The following SLC2A5 variants were observed in gnomAD, a reference collection of about 807,000 sequenced individuals.
The protein encoded by SLC2A5 is solute carrier family 2 member 5, also known as solute carrier family 2, facilitated glucose transporter member 5.
In SLC2A5, 56 loss-of-function variants were observed where a neutral mutation model predicts 50.3. The ratio of observed to expected loss-of-function variants is 1.11; its 90% confidence interval spans 0.90 to 1.39. The LOEUF is 1.39. Among genes scored for constraint, SLC2A5 ranks in the 40% most tolerant of loss-of-function variants. The probability of loss-of-function intolerance (pLI) is 0.00; values close to 1 mark genes in which losing one functional copy is unlikely to be tolerated. For missense variants in SLC2A5, 566 were observed against 650.1 expected (o/e 0.87, Z 1.41); for synonymous variants, 269 against 281.9 (o/e 0.95, Z 0.46).
At chr1:9,041,171 T>C (rs898106557) in intron 5 of SLC2A5, 1 of 386,976 alleles carries the variant, frequency 2.6e-6, no homozygotes, top group Non-Finnish European at 4.6e-6. Context: ...AACTGGCTTA[T>C]GTTTTGGCTG....
At chr1:9,082,627 G>T (rs1473118426) in intron 2 of SLC2A5, 1 of 159,948 alleles carries the variant, frequency 6.3e-6, no homozygotes, top group Non-Finnish European at 1.4e-5. Flanking sequence ...ACAGAAAAAG[G>T]TTGCATATTG....
upstream of SLC2A5, among the ~76,000 whole-genome samples, chr1:9,093,185 A>C (rs1295463314): frequency 2.0e-5 from 3 of 152,082 alleles, no homozygotes; most frequent in Non-Finnish European, 4.4e-5. Context: ...GTTCTAGTAA[A>C]AGATCTCAGC....
chr1:9,074,826 C>G (rs1642262302), intron 2 of SLC2A5, among the ~76,000 whole-genome samples: 1 of 151,998 alleles, frequency 6.6e-6, no homozygotes. Context: ...GAGTTCGAGA[C>G]CAGCCTGGGC....
At chr1:9,075,712 GTGCA>G (rs2124470298) in intron 2 of SLC2A5, among the ~76,000 whole-genome samples, 1 of 152,166 alleles carries the variant, frequency 6.6e-6, no homozygotes, top group East Asian at 1.9e-4. Context: ...CCAGGCTGGA[GTGCA>G]ATGGCATGAT....
chr1:9,086,387 C>CTTTTTTT (rs34593630), intron 1 of SLC2A5, among the ~76,000 whole-genome samples: 10 of 140,552 alleles, frequency 7.1e-5, no homozygotes, highest in African/African-American at 1.9e-4. Context: ...TTTTCTCTCT[C>CTTTTTTT]TTTTTTTTTT....
Position 9,037,485 on chromosome 1 carries a change from G to A in SLC2A5, c.*101C>T. On this transcript the variant is annotated 3_prime_UTR_variant, in exon 12 of 12. Transcript: ENST00000377424. ...GATGAGGACTGCATTCCACATCAGA[G>A]TTGTTTTATTTCTGGATATTCACAG... 4.1e-6 allele frequency: 4 copies of A among 973,842 alleles called. No individual in the cohort carries two copies. The South Asian group carries it at 4.2e-5, about 10-fold the overall frequency. The allele number at this position is 973,842 out of a possible 1,614,324, so 60.3% of individuals were successfully genotyped here. A position where few individuals can be genotyped will look rare whatever the true frequency, so the allele number is the denominator to read the frequency against.
In SLC2A5 at chr1:9,069,615, T is replaced by C; in HGVS notation, c.-79A>G. On this transcript the variant is annotated 5_prime_UTR_variant, in exon 1 of 12. The change abolishes an upstream ATG in the 5' untranslated region. Transcript: ENST00000377424. ...GTGCACTGAATGGAGAGAGAAGACATTCTGGGTGCACTTTGGCCATGCCAA... is the reference window on the plus strand; with the variant it reads ...GTGCACTGAATGGAGAGAGAAGACACTCTGGGTGCACTTTGGCCATGCCAA... 1 of 1,539,388 alleles carries C rather than the reference T, an allele frequency of 6.5e-7. No homozygotes were observed.
At chr1:9,063,149 T>A (rs1641988904) in intron 1 of SLC2A5, among the ~76,000 whole-genome samples, 1 of 152,242 alleles carries the variant, frequency 6.6e-6, no homozygotes, top group African/African-American at 2.4e-5. Flanking sequence ...AGATTCCACA[T>A]GTGAGATCAT....
chr1:9,052,849 C>A (rs1641612381), intron 3 of SLC2A5, among the ~76,000 whole-genome samples: 2 of 151,322 alleles, frequency 1.3e-5, no homozygotes, highest in South Asian at 4.1e-4. Flanking sequence ...AAGACCCCAT[C>A]CCTGTAGTCT....
intron 4 of SLC2A5, among the ~76,000 whole-genome samples, chr1:9,043,718 A>C (rs1299015419): frequency 4.2e-5 from 6 of 143,604 alleles, no homozygotes; most frequent in Non-Finnish European, 7.7e-5. Context: ...ATCAGAGCAA[A>C]GTGGCTTTTT....
At chr1:9,077,202 C>T (rs1186459882) in intron 2 of SLC2A5, among the ~76,000 whole-genome samples, 1 of 150,330 alleles carries the variant, frequency 6.7e-6, no homozygotes, top group East Asian at 2.0e-4. Context: ...GAGTTCAAGA[C>T]TAGTCTGGCC....
chr1:9,037,676 G>A lies in SLC2A5; in HGVS notation c.1416C>T (p.Asn472=), dbSNP rs556373997. 1.2e-6 allele frequency: 2 copies of A among 1,614,062 alleles called. No homozygotes were observed. The highest frequency in any genetic ancestry group is 1.7e-6 in the Non-Finnish European group (2 of 1,180,038). Residue 472 remains asparagine, a synonymous_variant, in exon 12 of 12, where the codon AAC becomes AAT. Coordinates refer to ENST00000377424, the MANE Select transcript of SLC2A5 (RefSeq NM_003039.3). ...ETKAKTFIEI[N]QIFTKMNKVS... ...CCTTATTCATCTTGGTGAAAATCTG[G>A]TTGATCTCTATGAACGTCTTGGCCT...
At chr1:9,053,312 ATT>A (rs1641649233) in intron 3 of SLC2A5, among the ~76,000 whole-genome samples, 1 of 36,062 alleles carries the variant, frequency 2.8e-5, no homozygotes, top group Non-Finnish European at 4.7e-5. Context: ...ATATTTATAT[ATT>A]GTATTTATAT....
At chr1:9,062,834 T>G (rs550607365) in intron 1 of SLC2A5, among the ~76,000 whole-genome samples, 7 of 151,982 alleles carry the variant, frequency 4.6e-5, no homozygotes, top group Non-Finnish European at 1.0e-4. Flanking sequence ...ATCACGCCAT[T>G]GCACTCCAGT....
chr1:9,059,163 C>G (rs12353933), intron 1 of SLC2A5, among the ~76,000 whole-genome samples: 69,716 of 100,350 alleles, frequency 0.69, 24,968 homozygotes, highest in East Asian at 0.95. Context: ...TTTTTTTTGA[C>G]ACAGAGTCTT....
At chr1:9,056,530 A>G (rs1281600692) in intron 3 of SLC2A5, among the ~76,000 whole-genome samples, 1 of 151,864 alleles carries the variant, frequency 6.6e-6, no homozygotes, top group Non-Finnish European at 1.5e-5. Context: ...CTGGAGGAGG[A>G]GTCAGAGTCT....
At chr1:9,050,014 G>C (rs1289684857) in intron 3 of SLC2A5, among the ~76,000 whole-genome samples, 3 of 152,038 alleles carry the variant, frequency 2.0e-5, no homozygotes. Flanking sequence ...GCTCACGCCT[G>C]TAATCCTAGG....
upstream of SLC2A5, chr1:9,072,048 C>G (rs1469291188): frequency 6.5e-6 from 1 of 153,656 alleles, no homozygotes; most frequent in Non-Finnish European, 1.4e-5. Context: ...CTCAGCCTCA[C>G]CCGGGTCCCC....
chr1:9,092,406 T>C (rs1410211884), upstream of SLC2A5, among the ~76,000 whole-genome samples: 1 of 152,110 alleles, frequency 6.6e-6, no homozygotes, highest in African/African-American at 2.4e-5. Context: ...TCTACACCAT[T>C]TCTTAAGTTT....
Sources: allele counts gnomAD v4.1 joint callset (sites outside exome capture counted in the v4.1 genomes callset), GRCh38; gene constraint gnomAD v4.1.1; transcripts MANE v1.5; gene names NCBI Gene and HGNC (gene_info 2026-07-23, HGNC 2026-07-21).